The following LRP1B variants were observed in gnomAD, a reference collection of about 807,000 sequenced individuals.
LRP1B encodes the protein low-density lipoprotein receptor-related protein 1B.
Under a neutral mutation model 556.6 loss-of-function variants are expected in LRP1B, and 217 were observed. The observed-to-expected ratio is 0.39, with a 90% CI of 0.35 to 0.44. The LOEUF (loss-of-function observed/expected upper bound fraction) is 0.44. LRP1B is among the 20% of genes least tolerant of loss of function. The pLI is 1.00. For synonymous variants in LRP1B, 2,047 were observed against 1,865.8 expected (o/e 1.10, Z -2.50); for missense variants, 5,053 against 5,620.8 (o/e 0.90, Z 3.23).
At chr2:140,995,182 CAG>C (rs144707480) in intron 15 of LRP1B, among the ~76,000 whole-genome samples, 5,240 of 152,122 alleles carry the variant, frequency 0.034, 129 homozygotes, top group Middle Eastern at 0.068. Flanking sequence ...ACTCACCAAT[CAG>C]AGTTTGTGAG....
At chr2:140,818,959 A>AAAAAAG (rs1691223608) in intron 31 of LRP1B, among the ~76,000 whole-genome samples, 3 of 147,652 alleles carry the variant, frequency 2.0e-5, no homozygotes, top group African/African-American at 7.4e-5. Context: ...AAAAAAAAAA[A>AAAAAAG]AGAGAATGTG....
chr2:140,986,734 C>A (rs1278963784), intron 17 of LRP1B, among the ~76,000 whole-genome samples: 1 of 152,126 alleles, frequency 6.6e-6, no homozygotes, highest in Non-Finnish European at 1.5e-5. Context: ...TTCTTTCTCC[C>A]AGTCTTCACT....
At chr2:141,225,888 T>C (rs1379646003) in intron 6 of LRP1B, among the ~76,000 whole-genome samples, 10 of 152,110 alleles carry the variant, frequency 6.6e-5, no homozygotes, top group Admixed American at 5.2e-4. Context: ...CAACCCACTT[T>C]TTCCACCTCC....
intron 51 of LRP1B, 43 bp downstream of exon 51, chr2:140,514,610 T>C (rs775259486): frequency 1.9e-6 from 3 of 1,568,296 alleles, no homozygotes; most frequent in Non-Finnish European, 2.6e-6. Flanking sequence ...AGAGCATATA[T>C]AATGCTTAAA....
At chr2:140,434,933 A>T (rs533443693) in intron 66 of LRP1B, among the ~76,000 whole-genome samples, 1 of 152,312 alleles carries the variant, frequency 6.6e-6, no homozygotes, top group South Asian at 2.1e-4. Context: ...GGGTAAAAAA[A>T]TATATTTTCT....
intron 33 of LRP1B, among the ~76,000 whole-genome samples, chr2:140,773,695 A>C (rs1362269938): frequency 1.3e-5 from 2 of 151,676 alleles, no homozygotes; most frequent in Non-Finnish European, 2.9e-5. Flanking sequence ...AATTAATGTT[A>C]AACACTAACC....
In LRP1B at chr2:140,923,164, G is replaced by T; in HGVS notation, c.3137-17C>A. On this transcript the variant is annotated splice_polypyrimidine_tract_variant and intron_variant, in intron 20 of 90. Coordinates refer to ENST00000389484, the MANE Select transcript of LRP1B (RefSeq NM_018557.3). ...AATGAATCTCTTAATTTGAAATGAG[G>T]AAGAGAGAAGCAGAGGGGGGCAAGA... The T allele has an allele frequency of 6.3e-7, 1 of 1,598,638 alleles. No homozygotes were observed. Among genetic ancestry groups the T allele is most frequent in the Non-Finnish European group, 8.6e-7 (1 of 1,168,762 alleles).
intron 2 of LRP1B, among the ~76,000 whole-genome samples, chr2:141,618,963 A>G (rs996380788): frequency 6.6e-6 from 1 of 152,198 alleles, no homozygotes; most frequent in Non-Finnish European, 1.5e-5. Context: ...TACGGAGTTC[A>G]AGTGAATTGC....
intron 72 of LRP1B, among the ~76,000 whole-genome samples, 158 bp downstream of exon 72, chr2:140,364,503 C>G (rs1220176888): frequency 6.6e-6 from 1 of 151,582 alleles, no homozygotes; most frequent in East Asian, 1.9e-4. Context: ...CGGATTATCC[C>G]TTTATTACCT....
At chr2:141,837,047 G>C (rs1193741217) in intron 1 of LRP1B, among the ~76,000 whole-genome samples, 2 of 151,958 alleles carry the variant, frequency 1.3e-5, no homozygotes, top group African/African-American at 4.8e-5. Flanking sequence ...AGGTGTTAGA[G>C]GGTTAATCCA....
intron 3 of LRP1B, among the ~76,000 whole-genome samples, chr2:141,263,618 G>A (rs1319907025): frequency 1.3e-5 from 2 of 151,982 alleles, no homozygotes; most frequent in Non-Finnish European, 2.9e-5. Context: ...AGCCCTTCTA[G>A]AAAACAGAAA....
At chr2:140,621,872 T>G (rs1465407097) in intron 41 of LRP1B, among the ~76,000 whole-genome samples, 5 of 152,238 alleles carry the variant, frequency 3.3e-5, no homozygotes, top group African/African-American at 7.2e-5. Flanking sequence ...CTGATCTTCA[T>G]CTGACTTTCC....
chr2:140,947,840 C>T (rs1695588113), intron 20 of LRP1B, among the ~76,000 whole-genome samples: 1 of 152,114 alleles, frequency 6.6e-6, no homozygotes, highest in African/African-American at 2.4e-5. Context: ...TCATTCTTTG[C>T]TTGAAACATG....
In LRP1B at chr2:142,106,318, A is replaced by G. The variant is rs188395358; in HGVS notation, c.82+24330T>C. On this transcript the variant is annotated intron_variant, in intron 1 of 90. Transcript: ENST00000389484. ...TGACTTTGATTATTACTATTGTGGA[A>G]TAATTAAGTTTTAATTCTGTAAAGT... Among the ~76,000 whole-genome samples the G allele has an allele frequency of 5.6e-3, 847 of 152,340 alleles. 3 individuals are homozygous for G. Among genetic ancestry groups the G allele is most frequent in the Non-Finnish European group, 7.6e-3 (520 of 68,032 alleles).
At chr2:140,334,066 T>G (rs1680952103) in intron 79 of LRP1B, among the ~76,000 whole-genome samples, 1 of 152,020 alleles carries the variant, frequency 6.6e-6, no homozygotes, top group Non-Finnish European at 1.5e-5. Context: ...GTATTTATAT[T>G]TAGCCACCTA....
At chr2:141,904,248 G>A (rs559905337) in intron 1 of LRP1B, among the ~76,000 whole-genome samples, 19 of 151,970 alleles carry the variant, frequency 1.3e-4, no homozygotes, top group Non-Finnish European at 1.9e-4. Flanking sequence ...ATGTAGTCCA[G>A]GCTGGGTACA....
chr2:140,480,970 T>C (rs1043208073), intron 59 of LRP1B, among the ~76,000 whole-genome samples: 3 of 151,296 alleles, frequency 2.0e-5, no homozygotes, highest in African/African-American at 7.3e-5. Flanking sequence ...GGGTTCAAGA[T>C]ATTCTTCTGC....
At chr2:140,492,397 T>C (rs1439394281) in intron 57 of LRP1B, among the ~76,000 whole-genome samples, 1 of 152,208 alleles carries the variant, frequency 6.6e-6, no homozygotes, top group Non-Finnish European at 1.5e-5. Flanking sequence ...TTCTAGACAG[T>C]GCTTTCGCAT....
At chr2:140,666,730 A>C (rs892911764) in intron 41 of LRP1B, among the ~76,000 whole-genome samples, 2 of 152,144 alleles carry the variant, frequency 1.3e-5, no homozygotes, top group Non-Finnish European at 2.9e-5. Flanking sequence ...TACTTGAAAA[A>C]ATTTTCCTAA....
Sources: gnomAD v4.1 joint callset for allele counts (sites outside exome capture counted in the v4.1 genomes callset) on GRCh38, gnomAD v4.1.1 for gene constraint, MANE v1.5 for transcripts, NCBI Gene and HGNC (gene_info 2026-07-23, HGNC 2026-07-21) for gene names.